HS6ST3: variants seen among roughly 807,000 people sequenced by gnomAD.
The protein encoded by HS6ST3 is heparan sulfate 6-O-sulfotransferase 3, also known as heparan-sulfate 6-O-sulfotransferase 3.
Under a neutral mutation model 36.7 loss-of-function variants are expected in HS6ST3, and 12 were observed. That is an observed-to-expected ratio of 0.33 (90% CI 0.21 to 0.53). HS6ST3 has a LOEUF of 0.53. Ranked by LOEUF, HS6ST3 falls within the 20% of genes least tolerant of loss-of-function variation. The pLI is 0.95. For synonymous variants in HS6ST3, 240 were observed against 257.5 expected (o/e 0.93, Z 0.65); for missense variants, 584 against 640.9 (o/e 0.91, Z 0.96).
chr13:96,722,437 C>T (rs1353297079), intron 1 of HS6ST3, among the ~76,000 whole-genome samples: 1 of 152,128 alleles, frequency 6.6e-6, no homozygotes, highest in East Asian at 1.9e-4. Flanking sequence ...ACTTGAGTCT[C>T]CTGCTTCTTT....
At chr13:96,468,095 C>T (rs1241438741) in intron 1 of HS6ST3, among the ~76,000 whole-genome samples, 1 of 152,180 alleles carries the variant, frequency 6.6e-6, no homozygotes, top group Non-Finnish European at 1.5e-5. Flanking sequence ...CTAATGATTA[C>T]AACTTCTGTT....
chr13:96,595,396 A>G (rs1321185873), intron 1 of HS6ST3, among the ~76,000 whole-genome samples: 1 of 152,038 alleles, frequency 6.6e-6, no homozygotes, highest in African/African-American at 2.4e-5. Flanking sequence ...TGCTAGGTGT[A>G]TTAGATGTAT....
At chr13:96,495,136 T>A (rs997310718) in intron 1 of HS6ST3, among the ~76,000 whole-genome samples, 3 of 152,158 alleles carry the variant, frequency 2.0e-5, no homozygotes, top group African/African-American at 7.2e-5. Context: ...TGAGGAAGGT[T>A]TTGTTTTGTT....
intron 1 of HS6ST3, among the ~76,000 whole-genome samples, chr13:96,384,784 T>C (rs182914838): frequency 6.6e-6 from 1 of 152,294 alleles, no homozygotes; most frequent in East Asian, 1.9e-4. Flanking sequence ...TTGCATCCAC[T>C]TACTACCCAA....
intron 1 of HS6ST3, among the ~76,000 whole-genome samples, chr13:96,522,669 AC>A (rs2056098327): frequency 1.0e-5 from 1 of 95,918 alleles, no homozygotes; most frequent in African/African-American, 3.3e-5. Flanking sequence ...CAGGATTGCA[AC>A]CCCTGCTTTT....
At chr13:96,199,594 T>C (rs1482206864) in intron 1 of HS6ST3, among the ~76,000 whole-genome samples, 2 of 152,220 alleles carry the variant, frequency 1.3e-5, no homozygotes, top group East Asian at 3.8e-4. Context: ...TATTGATTTT[T>C]TGGGGGTTCT....
At chr13:96,330,100 G>A (rs1217018122) in intron 1 of HS6ST3, among the ~76,000 whole-genome samples, 2 of 139,676 alleles carry the variant, frequency 1.4e-5, no homozygotes, top group Non-Finnish European at 3.1e-5. Context: ...TGGGTTTCCT[G>A]AATACAGCAC....
intron 1 of HS6ST3, among the ~76,000 whole-genome samples, chr13:96,133,115 TTTAA>T (rs1177938448): frequency 6.6e-6 from 1 of 152,068 alleles, no homozygotes; most frequent in Non-Finnish European, 1.5e-5. Flanking sequence ...GTAGAAGCTT[TTTAA>T]TTAATTAATT....
intron 1 of HS6ST3, among the ~76,000 whole-genome samples, chr13:96,566,440 A>G (rs1461904213): frequency 6.6e-6 from 1 of 152,120 alleles, no homozygotes; most frequent in Non-Finnish European, 1.5e-5. Flanking sequence ...TTTTCAAGCA[A>G]AAGAGTAAAC....
At chr13:96,185,940 C>G (rs899752258) in intron 1 of HS6ST3, among the ~76,000 whole-genome samples, 1 of 151,814 alleles carries the variant, frequency 6.6e-6, no homozygotes, top group Admixed American at 6.6e-5. Flanking sequence ...TGCTGAGGTG[C>G]TAAAAAAAGT....
chr13:96,528,399 A>G (rs1594800421), intron 1 of HS6ST3, among the ~76,000 whole-genome samples: 1 of 152,202 alleles, frequency 6.6e-6, no homozygotes, highest in Non-Finnish European at 1.5e-5. Context: ...TAAGATTTCA[A>G]GAGAATATTA....
intron 1 of HS6ST3, among the ~76,000 whole-genome samples, chr13:96,476,930 A>G (rs542969906): frequency 2.6e-5 from 4 of 152,342 alleles, no homozygotes; most frequent in Non-Finnish European, 4.4e-5. Flanking sequence ...GTTGAAATCA[A>G]TTGTAAGGAG....
intron 1 of HS6ST3, among the ~76,000 whole-genome samples, chr13:96,175,463 CT>C (rs1468078725): frequency 3.3e-5 from 5 of 151,694 alleles, no homozygotes; most frequent in Non-Finnish European, 7.4e-5. Flanking sequence ...TTGCTGGTTC[CT>C]TTCGGTTCAA....
intron 1 of HS6ST3, among the ~76,000 whole-genome samples, chr13:96,738,969 T>C (rs2138483136): frequency 6.6e-6 from 1 of 152,362 alleles, no homozygotes; most frequent in Admixed American, 6.5e-5. Flanking sequence ...CCACTAAAAC[T>C]CTTCTCGTCA....
At chr13:96,155,936 C>T (rs1014115544) in intron 1 of HS6ST3, among the ~76,000 whole-genome samples, 16 of 152,234 alleles carry the variant, frequency 1.1e-4, no homozygotes, top group Middle Eastern at 3.4e-3. Context: ...CAGTGACCTT[C>T]GAAAGGCTCA....
intron 1 of HS6ST3, among the ~76,000 whole-genome samples, chr13:96,363,304 G>C (rs1385255516): frequency 9.0e-6 from 1 of 111,366 alleles, no homozygotes; most frequent in Admixed American, 8.2e-5. Flanking sequence ...TTTTTTTTTT[G>C]CAACATTCTG....
At chr13:96,236,572 C>A (rs1044769707) in intron 1 of HS6ST3, among the ~76,000 whole-genome samples, 2 of 152,092 alleles carry the variant, frequency 1.3e-5, no homozygotes, top group African/African-American at 2.4e-5. Context: ...TACCTTTCTT[C>A]TTCTGTTATT....
At chr13:96,193,775 A>G (rs778605200) in intron 1 of HS6ST3, among the ~76,000 whole-genome samples, 17 of 152,226 alleles carry the variant, frequency 1.1e-4, no homozygotes, top group Non-Finnish European at 2.2e-4. Flanking sequence ...CGTGCAGGGC[A>G]TTTAGAAAGA....
At position 96,551,257 on chromosome 13, in the gene HS6ST3, A is replaced by C. The variant is rs78481279; in HGVS notation, c.708-281233A>C. Reference sequence around the variant, plus strand: ...AGACAGGCTCTCAAAGTGATCAAATAAAATGTTACCTTTGAAAGTGACACC... The same window carrying C: ...AGACAGGCTCTCAAAGTGATCAAATCAAATGTTACCTTTGAAAGTGACACC... On this transcript the variant is annotated intron_variant, in intron 1 of 1. Coordinates refer to ENST00000376705, the MANE Select transcript of HS6ST3 (RefSeq NM_153456.4). 4.1e-4 allele frequency among the ~76,000 whole-genome samples: 62 copies of C among 152,302 alleles called. No homozygotes were observed. The East Asian group carries it at 0.011, about 26-fold the overall frequency.
Sources: allele counts gnomAD v4.1 joint callset (sites outside exome capture counted in the v4.1 genomes callset), GRCh38; gene constraint gnomAD v4.1.1; transcripts MANE v1.5; gene names NCBI Gene and HGNC (gene_info 2026-07-23, HGNC 2026-07-21).